The following CHRNB1 variants were observed in gnomAD, a reference collection of about 807,000 sequenced individuals.
The protein encoded by CHRNB1 is cholinergic receptor nicotinic beta 1 subunit.
A neutral mutation model predicts 53.8 loss-of-function variants in CHRNB1; 47 were observed. That is an observed-to-expected ratio of 0.87 (90% CI 0.69 to 1.11). The LOEUF (loss-of-function observed/expected upper bound fraction) is 1.11. Among genes scored for constraint, CHRNB1 ranks in the 50% most tolerant of loss-of-function variants. The pLI, the probability that CHRNB1 is intolerant of heterozygous loss-of-function variation, is 0.00. For missense variants in CHRNB1, 605 were observed against 654.9 expected (o/e 0.92, Z 0.83); for synonymous variants, 259 against 263.5 (o/e 0.98, Z 0.16).
chr17:7,446,018 C>A lies in CHRNB1; in HGVS notation c.199-51C>A, dbSNP rs556557605. On this transcript the variant is annotated intron_variant, in intron 2 of 10. Coordinates refer to ENST00000306071, the MANE Select transcript of CHRNB1 (RefSeq NM_000747.3). ...GAGAGGTTGGCCCCCCGAGCCCCCTCATTTCTCTCCACCCTACTTCACCTT... is the reference window on the plus strand; with the variant it reads ...GAGAGGTTGGCCCCCCGAGCCCCCTAATTTCTCTCCACCCTACTTCACCTT... 4 of 1,565,502 alleles carry A rather than the reference C, an allele frequency of 2.6e-6. No individual in the cohort carries two copies. The South Asian group carries it at 4.4e-5, about 17-fold the overall frequency.
chr17:7,451,631 C>T (rs1282177421), intron 7 of CHRNB1, among the ~76,000 whole-genome samples: 1 of 152,182 alleles, frequency 6.6e-6, no homozygotes, highest in Middle Eastern at 3.4e-3. Context: ...CCAGGAAGGC[C>T]ACATGCACAG....
intron 7 of CHRNB1, 40 bp downstream of exon 7, chr17:7,448,828 T>C: frequency 6.3e-7 from 1 of 1,593,758 alleles, no homozygotes; most frequent in Non-Finnish European, 8.6e-7. Flanking sequence ...TGTCATTGGC[T>C]CAGCTTCTTA....
intron 7 of CHRNB1, among the ~76,000 whole-genome samples, chr17:7,450,093 C>T (rs1027581160): frequency 8.1e-5 from 12 of 148,364 alleles, no homozygotes; most frequent in Non-Finnish European, 1.8e-4. Flanking sequence ...TAGTAATAGT[C>T]AACATATCTT....
rs57482599 is a variant in CHRNB1 at position 7,446,325 on chromosome 17, GTC to G, written c.243+214_243+215del. ...ATTTTGTGTGTGTGTGTGTGTGTGTGTCTGTGTGTGTGTGTGTGTGTGTGTGT... is the reference window on the plus strand; with the variant it reads ...ATTTTGTGTGTGTGTGTGTGTGTGTGTGTGTGTGTGTGTGTGTGTGTGTGT... On this transcript the variant is annotated intron_variant, in intron 3 of 10. Coordinates refer to ENST00000306071, the MANE Select transcript of CHRNB1 (RefSeq NM_000747.3). 0.13 allele frequency: 15,952 copies of G among 125,826 alleles called. 191 individuals carry two copies. The highest frequency in any genetic ancestry group is 0.16 in the African/African-American group (2,638 of 16,182). 7.8% of individuals were successfully genotyped at this position (125,826 alleles called of 1,614,324 possible).
Position 7,446,076 on chromosome 17 carries a change from AG to A in CHRNB1, c.208del (p.Asp70MetfsTer4). ...ILAQLISLNEKDEEMSTKVYL... is the reference protein window; with the variant it reads ...ILAQLISLNEXDEEMSTKVYL... ...TAAATTTTTCCCTTCTAGAACGAGA[AG>A]GATGAAGAGATGAGCACAAAGGTGT... On this transcript the variant is annotated frameshift_variant, in exon 3 of 11. Transcript: ENST00000306071. LOFTEE classifies it high-confidence loss of function. 6.2e-7 allele frequency: 1 copy of A among 1,614,076 alleles called. No individual in the cohort carries two copies. The highest frequency in any genetic ancestry group is 8.5e-7 in the Non-Finnish European group (1 of 1,179,952).
intron 6 of CHRNB1, 28 bp downstream of exon 6, chr17:7,447,678 G>A: frequency 6.2e-7 from 1 of 1,613,668 alleles, no homozygotes; most frequent in Non-Finnish European, 8.5e-7. Context: ...CTACATCCAT[G>A]GGCTCTATCA....
chr17:7,446,157 G>A (rs776683632), intron 3 of CHRNB1, 44 bp downstream of exon 3: 2 of 1,532,164 alleles, frequency 1.3e-6, no homozygotes, highest in South Asian at 1.1e-5. Flanking sequence ...CCTCTGCCTT[G>A]ACAATTTCCT....
At position 7,445,171 on chromosome 17, in the gene CHRNB1, C is replaced by T. The variant is rs75926342; in HGVS notation, c.44C>T (p.Ala15Val). The T allele has an allele frequency of 4.4e-5, 71 of 1,609,090 alleles. No homozygotes were observed. Among genetic ancestry groups the T allele is most frequent in the Non-Finnish European group, 5.9e-5 (70 of 1,179,230 alleles). The change falls in exon 1 of 11, where the codon GCG (alanine) becomes GTG (valine). Residue 15 changes from alanine (A) to valine (V), a missense_variant. By Grantham distance (64) the Ala-to-Val change is moderately conservative. Coordinates refer to ENST00000306071, the MANE Select transcript of CHRNB1 (RefSeq NM_000747.3). The surrounding 1 kb of genome is among the most constrained non-coding windows in gnomAD (Gnocchi z 5.7). ...CTGATGCTGCTGGGGGCGCTGGGGG[C>T]GCCGCTCGCCCCAGGTAAGTGTAGG... ...ALLMLLGALG[A>V]PLAPGVRGSE...
At position 7,455,705 on chromosome 17, in the gene CHRNB1, G is replaced by A. The variant is rs1017048302; in HGVS notation, c.1218-89G>A. On this transcript the variant is annotated intron_variant, in intron 9 of 10. Transcript: ENST00000306071. ...ATGGGCTCTCGGGTTTTGAGAACTG[G>A]CAAGTTGTTGGAGGCAGCTGGAGCG... is the stretch of plus-strand genomic sequence containing the variant. The A allele has an allele frequency of 3.2e-6, 5 of 1,561,564 alleles. No homozygotes were observed. The African/African-American group carries it at 6.8e-5, about 21-fold the overall frequency.
Position 7,454,430 on chromosome 17 carries a change from C to T in CHRNB1, c.954C>T (p.Leu318=), listed in dbSNP as rs200491626. ...AGTACCTCATGTTTACCATGGTCCT[C>T]GTCACCTTCTCAGTCATCCTTAGTG... ...IIKYLMFTMV[L]VTFSVILSVV... The change falls in exon 8 of 11, where the codon CTC becomes CTT. Residue 318 remains leucine (L), a synonymous_variant. Coordinates refer to ENST00000306071, the MANE Select transcript of CHRNB1 (RefSeq NM_000747.3). 13 of 1,614,126 alleles carry T rather than the reference C, an allele frequency of 8.1e-6. No individual in the cohort carries two copies. The highest frequency in any genetic ancestry group is 2.2e-5 in the East Asian group (1 of 44,878).
In CHRNB1 at chr17:7,456,860, T is replaced by A; in HGVS notation, c.*137T>A. 8.7e-7 allele frequency: 1 copy of A among 1,151,450 alleles called. No individual in the cohort carries two copies. The highest frequency in any genetic ancestry group is 1.3e-6 in the Non-Finnish European group (1 of 796,494). The allele number at this position is 1,151,450 out of a possible 1,614,324, so 71.3% of individuals were successfully genotyped here. A position where few individuals can be genotyped will look rare whatever the true frequency, so the allele number is the denominator to read the frequency against. On this transcript the variant is annotated 3_prime_UTR_variant, in exon 11 of 11. Transcript: ENST00000306071. ...CTTATTTCGTTTCTGGGGACTGCAT[T>A]GGACTGAGGGCTGGGTAGGCAGGTG...
At chr17:7,451,983 G>A (rs1409007141) in intron 7 of CHRNB1, among the ~76,000 whole-genome samples, 2 of 152,142 alleles carry the variant, frequency 1.3e-5, no homozygotes, top group Non-Finnish European at 2.9e-5. Context: ...CTTTCATGCA[G>A]GAGAGGGGGA....
In CHRNB1 at chr17:7,455,351, C is replaced by T. The variant is rs371033292; in HGVS notation, c.1112C>T (p.Pro371Leu). The T allele has an allele frequency of 7.4e-6, 12 of 1,614,034 alleles. No homozygotes were observed. In the African/African-American group the frequency reaches 1.2e-4, roughly 16 times the overall value. ...KRPKPERDLM[P>L]EPPHCSSPGS... Reference sequence around the variant, plus strand: ...CCCAAACCCGAGAGAGACCTGATGCCGGAGCCCCCTCACTGTTCTTCTCCA... The same window carrying T: ...CCCAAACCCGAGAGAGACCTGATGCTGGAGCCCCCTCACTGTTCTTCTCCA... The change falls in exon 9 of 11, where the codon CCG (proline) becomes CTG (leucine). Residue 371 changes from proline (P) to leucine (L), a missense_variant. Coordinates refer to ENST00000306071, the MANE Select transcript of CHRNB1 (RefSeq NM_000747.3).
Position 7,445,807 on chromosome 17 carries a change from G to T in CHRNB1, c.199-262G>T. On this transcript the variant is annotated intron_variant, in intron 2 of 10. Transcript: ENST00000306071. The surrounding 1 kb of genome is among the most constrained non-coding windows in gnomAD (Gnocchi z 5.7). Reference sequence around the variant, plus strand: ...TGGGTGGATTATGAGCTGAAGGCAGGGCCGGGGACAGAGCTAGGCGGAGGG... The same window carrying T: ...TGGGTGGATTATGAGCTGAAGGCAGTGCCGGGGACAGAGCTAGGCGGAGGG... The T allele has an allele frequency of 1.6e-6, 1 of 622,790 alleles. No homozygotes were observed. Among genetic ancestry groups the T allele is most frequent in the Non-Finnish European group, 2.8e-6 (1 of 358,350 alleles). The allele number at this position is 622,790 out of a possible 1,614,324, so 38.6% of individuals were successfully genotyped here. A position where few individuals can be genotyped will look rare whatever the true frequency, so the allele number is the denominator to read the frequency against.
Position 7,446,920 on chromosome 17 carries a change from C to T in CHRNB1, c.331C>T (p.Pro111Ser). 1 of 1,613,838 alleles carries T rather than the reference C, an allele frequency of 6.2e-7. No homozygotes were observed. Reference sequence around the variant, plus strand: ...CATCACGGCGGAATCCGTGTGGCTCCCTGACGTGGTGCTACTGAACAAGTA... The same window carrying T: ...CATCACGGCGGAATCCGTGTGGCTCTCTGACGTGGTGCTACTGAACAAGTA... ...LRITAESVWL[P>S]DVVLLNNNDG... The change falls in exon 4 of 11, where the codon CCT becomes TCT. Residue 111 changes from proline (P) to serine (S), a missense_variant. Physicochemically the swap from Pro to Ser is moderately conservative, Grantham distance 74. Transcript: ENST00000306071.
intron 7 of CHRNB1, among the ~76,000 whole-genome samples, chr17:7,449,663 G>A (rs968578010): frequency 5.3e-5 from 8 of 151,874 alleles, no homozygotes; most frequent in African/African-American, 1.9e-4. Context: ...GTTCGCCTCA[G>A]CCTCCCAACG....
chr17:7,446,661 G>A, intron 3 of CHRNB1, 172 bp from the exon 4 acceptor site: 2 of 616,770 alleles, frequency 3.2e-6, no homozygotes, highest in East Asian at 2.7e-5. Flanking sequence ...ATTAGCTGAT[G>A]TGGATCCCAG....
At chr17:7,448,453 C>G (rs1908747570) in intron 6 of CHRNB1, 126 bp from the exon 7 acceptor site, 3 of 813,968 alleles carry the variant, frequency 3.7e-6, no homozygotes, top group Admixed American at 2.0e-5. Flanking sequence ...GCTACTCAGC[C>G]CAGTTTTCAC....
chr17:7,454,794 C>CTTTT (rs1171593191), intron 8 of CHRNB1, among the ~76,000 whole-genome samples: 9 of 65,524 alleles, frequency 1.4e-4, no homozygotes, highest in Non-Finnish European at 2.1e-4. Flanking sequence ...CACTAAATAG[C>CTTTT]TTTTTTTTTT....
Sources: gnomAD v4.1 joint callset for allele counts (sites outside exome capture counted in the v4.1 genomes callset) on GRCh38, gnomAD v4.1.1 for gene constraint, Gnocchi (gnomAD v3.1) non-coding constraint, MANE v1.5 for transcripts, NCBI Gene and HGNC (gene_info 2026-07-23, HGNC 2026-07-21) for gene names.